CDH8: variants seen among roughly 807,000 people sequenced by gnomAD.
The protein encoded by CDH8 is cadherin 8, also known as cadherin-8.
A neutral mutation model predicts 68.1 loss-of-function variants in CDH8; 17 were observed. The ratio of observed to expected loss-of-function variants is 0.25; its 90% CI spans 0.17 to 0.37. The LOEUF (loss-of-function observed/expected upper bound fraction) is 0.37, where lower values mean the gene tolerates loss of function less well. Ranked by LOEUF, CDH8 falls within the 10% of genes least tolerant of loss-of-function variation. The pLI is 1.00. For missense variants in CDH8, 763 were observed against 999.3 expected (o/e 0.76, Z 3.19); for synonymous variants, 372 against 365.1 (o/e 1.02, Z -0.21).
intron 2 of CDH8, among the ~76,000 whole-genome samples, chr16:62,004,527 C>T (rs575059151): frequency 3.9e-4 from 60 of 152,108 alleles, no homozygotes; most frequent in Non-Finnish European, 7.2e-4. Flanking sequence ...GACAAGCCAC[C>T]GGGGTTATAA....
At chr16:61,765,390 A>C (rs974459833) in intron 8 of CDH8, among the ~76,000 whole-genome samples, 1 of 152,044 alleles carries the variant, frequency 6.6e-6, no homozygotes, top group African/African-American at 2.4e-5. Flanking sequence ...TCAAAGATTT[A>C]ATAAATAGAC....
intron 7 of CDH8, among the ~76,000 whole-genome samples, chr16:61,795,930 T>C (rs867114606): frequency 6.6e-6 from 1 of 151,614 alleles, no homozygotes; most frequent in Admixed American, 6.6e-5. Context: ...TGATTGACCC[T>C]TTTTTAAGAA....
Position 62,013,203 on chromosome 16 carries a change from C to T in CDH8, c.252+7949G>A, listed in dbSNP as rs1347773149. ...CCGGGAAGCGGAGCTTGCAGTGAGC[C>T]GAGATTGTGCCACTGCAGTCCGCAG... On this transcript the variant is annotated intron_variant, in intron 2 of 11. Coordinates refer to ENST00000577390, the MANE Select transcript of CDH8 (RefSeq NM_001796.5). Among the ~76,000 whole-genome samples, 10 of 24,968 alleles carry T rather than the reference C, an allele frequency of 4.0e-4. 3 individuals are homozygous for T. The highest frequency in any genetic ancestry group is 7.5e-4 in the Non-Finnish European group (9 of 11,952). The allele number at this position is 24,968 out of a possible 152,430, so 16.4% of individuals were successfully genotyped here.
intron 2 of CDH8, chr16:61,940,398 C>CTTTTTTTTTTTTTTTTTTTGTTT (rs1964696716): frequency 8.6e-6 from 1 of 116,342 alleles, no homozygotes; most frequent in Non-Finnish European, 1.7e-5. Context: ...ACTACTTGAT[C>CTTTTTTTTTTTTTTTTTTTGTTT]TTTTTTTTTT....
At chr16:61,942,005 A>G (rs902468304) in intron 2 of CDH8, among the ~76,000 whole-genome samples, 1 of 152,162 alleles carries the variant, frequency 6.6e-6, no homozygotes, top group African/African-American at 2.4e-5. Context: ...CTCTCTTCTC[A>G]CAAACACTAC....
intron 1 of CDH8, among the ~76,000 whole-genome samples, chr16:62,032,936 T>C (rs1012271020): frequency 2.2e-4 from 34 of 152,202 alleles, no homozygotes; most frequent in African/African-American, 8.2e-4. Context: ...GTTTGAACTT[T>C]TTAATATGTG....
intron 2 of CDH8, among the ~76,000 whole-genome samples, chr16:61,969,998 A>G (rs1441432259): frequency 6.6e-6 from 1 of 152,212 alleles, no homozygotes; most frequent in Non-Finnish European, 1.5e-5. Context: ...GCTGCTCAGG[A>G]CTTCACACAT....
intron 8 of CDH8, among the ~76,000 whole-genome samples, chr16:61,768,314 TTCTCTCTCTCTCTCTCTC>T (rs1206629963): frequency 2.5e-3 from 43 of 17,200 alleles, no homozygotes; most frequent in East Asian, 5.2e-3. Context: ...GTCTCTCCCT[TTCTCTCTCTCTCTCTCTC>T]TCTCTCTCTC....
intron 3 of CDH8, among the ~76,000 whole-genome samples, chr16:61,886,346 A>G (rs1963672425): frequency 6.6e-6 from 1 of 152,232 alleles, no homozygotes; most frequent in Admixed American, 6.5e-5. Context: ...TGTTATCTTT[A>G]CACACTGTTT....
chr16:61,836,163 C>T (rs751930197), intron 4 of CDH8, among the ~76,000 whole-genome samples: 8 of 151,876 alleles, frequency 5.3e-5, no homozygotes, highest in South Asian at 2.1e-4. Context: ...TATATCTGAT[C>T]GATCAATCAG....
intron 2 of CDH8, among the ~76,000 whole-genome samples, chr16:61,993,080 T>C (rs573469445): frequency 1.8e-4 from 27 of 152,322 alleles, no homozygotes; most frequent in African/African-American, 6.5e-4. Context: ...CCACTGTGCC[T>C]GACTGACCCA....
intron 11 of CDH8, 109 bp downstream of exon 11, chr16:61,655,361 T>G: frequency 9.3e-7 from 1 of 1,075,330 alleles, no homozygotes; most frequent in South Asian, 1.6e-5. Context: ...AAGTTCCTCT[T>G]CCCCAACGGA....
At chr16:61,739,480 T>G (rs371552121) in intron 8 of CDH8, among the ~76,000 whole-genome samples, 60 of 152,136 alleles carry the variant, frequency 3.9e-4, no homozygotes, top group African/African-American at 1.4e-3. Context: ...TGAAGATTTT[T>G]TTTTCAAATG....
In CDH8 at chr16:61,647,951, T is replaced by A. The variant is rs1963240917; in HGVS notation, c.*5657A>T. On this transcript the variant is annotated 3_prime_UTR_variant, in exon 12 of 12. Coordinates refer to ENST00000577390, the MANE Select transcript of CDH8 (RefSeq NM_001796.5). ...AGGGATACTTGCAAGAAATAATACT[T>A]GCATTCAAGATGTGAATTAGATGGT... 4.5e-6 allele frequency: 3 copies of A among 665,170 alleles called. No homozygotes were observed. The South Asian group carries it at 4.9e-5, about 11-fold the overall frequency. The allele number at this position is 665,170 out of a possible 1,614,324, so 41.2% of individuals were successfully genotyped here. A position where few individuals can be genotyped will look rare whatever the true frequency, so the allele number is the denominator to read the frequency against.
chr16:61,833,000 G>A (rs1425175217), intron 4 of CDH8, among the ~76,000 whole-genome samples: 1 of 151,536 alleles, frequency 6.6e-6, no homozygotes, highest in Non-Finnish European at 1.5e-5. Flanking sequence ...ATGGGTTCTG[G>A]AGTTAGCTAG....
chr16:61,964,054 T>A (rs1361319109), intron 2 of CDH8, among the ~76,000 whole-genome samples: 3 of 152,144 alleles, frequency 2.0e-5, no homozygotes, highest in Admixed American at 6.5e-5. Flanking sequence ...ACTGAAACTT[T>A]AAGCCAAACA....
intron 2 of CDH8, among the ~76,000 whole-genome samples, chr16:61,904,563 A>T (rs2143285565): frequency 6.6e-6 from 1 of 152,350 alleles, no homozygotes; most frequent in East Asian, 1.9e-4. Flanking sequence ...TATAAACCAA[A>T]ATGCTTTTAA....
intron 8 of CDH8, among the ~76,000 whole-genome samples, chr16:61,767,435 G>A (rs996780851): frequency 2.6e-5 from 4 of 151,992 alleles, no homozygotes; most frequent in Non-Finnish European, 5.9e-5. Context: ...CTGAAACGCA[G>A]GATAATAATA....
chr16:61,850,080 G>A (rs1962907999), intron 4 of CDH8, among the ~76,000 whole-genome samples: 1 of 152,058 alleles, frequency 6.6e-6, no homozygotes. Flanking sequence ...AGGAATACCT[G>A]AGACTGGGTA....
Sources: gnomAD v4.1 joint callset for allele counts (sites outside exome capture counted in the v4.1 genomes callset) on GRCh38, gnomAD v4.1.1 for gene constraint, MANE v1.5 for transcripts, NCBI Gene and HGNC (gene_info 2026-07-23, HGNC 2026-07-21) for gene names.